Variants in MRPL36 observed in about 807,000 individuals in gnomAD.
The protein encoded by MRPL36 is large ribosomal subunit protein bL36m.
Under a neutral mutation model 2.8 loss-of-function variants are expected in MRPL36, and 1 was observed. The observed-to-expected ratio is 0.36, with a 90% confidence interval of 0.13 to 1.69. The LOEUF is 1.69. MRPL36 is among the 40% of genes most tolerant of loss of function. The pLI, the probability that MRPL36 is intolerant of heterozygous loss-of-function variation, is 0.35. For synonymous variants in MRPL36, 68 were observed against 54.8 expected (o/e 1.24, Z -1.06); for missense variants, 148 against 132.7 (o/e 1.12, Z -0.57).
upstream of MRPL36, chr5:1,801,366 T>C: frequency 1.3e-6 from 2 of 1,584,586 alleles, no homozygotes; most frequent in Non-Finnish European, 1.7e-6. Context: ...GCCGTGCGCA[T>C]GCGTTAGCGC....
At chr5:1,799,134 G>A (rs1219601720) in intron 1 of MRPL36, 187 bp from the exon 2 acceptor site, 1 of 539,838 alleles carries the variant, frequency 1.9e-6, no homozygotes, top group Non-Finnish European at 3.3e-6. Context: ...TGTGCCAGGA[G>A]AATAAGGGGC....
upstream of MRPL36, chr5:1,801,307 T>TAC: frequency 9.0e-7 from 1 of 1,105,364 alleles, no homozygotes; most frequent in Non-Finnish European, 1.2e-6. Context: ...CGACCCGCGC[T>TAC]CCCCGCCCCC....
upstream of MRPL36, among the ~76,000 whole-genome samples, chr5:1,801,019 C>T (rs963761377): frequency 8.5e-5 from 13 of 152,232 alleles, no homozygotes; most frequent in African/African-American, 2.9e-4. Flanking sequence ...ACATCCTCCC[C>T]TGCCTGTCCG....
upstream of MRPL36, chr5:1,801,316 CCA>C (rs1734031218): frequency 1.1e-5 from 16 of 1,495,266 alleles, no homozygotes; most frequent in East Asian, 2.4e-5. Context: ...CTCCCCGCCC[CCA>C]GGGCGAAATA....
intron 1 of MRPL36, 92 bp downstream of exon 1, chr5:1,799,700 C>A (rs1264059285): frequency 6.6e-6 from 1 of 152,358 alleles, no homozygotes; most frequent in East Asian, 1.9e-4. Context: ...GGGAGACACG[C>A]CCGAGGGTCC....
rs891689320 is a variant in MRPL36, at chr5:1,798,389, C to T, written c.*235G>A. The T allele has an allele frequency of 2.9e-5, 13 of 442,376 alleles. No individual in the cohort carries two copies. Among genetic ancestry groups the T allele is most frequent in the African/African-American group, 1.6e-4 (8 of 50,634 alleles). 27.4% of individuals were successfully genotyped at this position (442,376 alleles called of 1,614,324 possible). ...GAGAGAATGAATGAACTAAGCTATT[C>T]GGAAGGTCTATTTTAATAGGAAAAT... On this transcript the variant is annotated 3_prime_UTR_variant, in exon 2 of 2. Coordinates refer to ENST00000505059, the MANE Select transcript of MRPL36 (RefSeq NM_032479.4).
chr5:1,798,869 G>A lies in MRPL36; in HGVS notation c.67C>T (p.Pro23Ser), dbSNP rs753377421. The change falls in exon 2 of 2, where the codon CCT becomes TCT. Residue 23 changes from proline to serine, a missense_variant. Transcript: ENST00000505059. ...AATAGAAATGTGGAGAGGGCTCGAG[G>A]CTTCACCGTGTGACGACTGAGATAG... Reference protein sequence around the residue: ...LLYLSRHTVKPRALSTFLFGS... With the variant: ...LLYLSRHTVKSRALSTFLFGS... The A allele has an allele frequency of 3.1e-6, 5 of 1,612,850 alleles. No individual in the cohort carries two copies. The highest frequency in any genetic ancestry group is 1.3e-5 in the African/African-American group (1 of 74,884).
chr5:1,799,932 G>A (rs55883912), upstream of MRPL36: 110,643 of 150,158 alleles, frequency 0.74, 43,934 homozygotes, highest in Non-Finnish European at 0.88. Flanking sequence ...AGACGCAGCA[G>A]CGAGTGCGCA....
At chr5:1,799,875 C>CGGGG (rs368360524), upstream of MRPL36, 74 of 131,656 alleles carry the variant, frequency 5.6e-4, 2 homozygotes, top group African/African-American at 1.2e-3. Flanking sequence ...AAGATGGCGG[C>CGGGG]GGGGGGGGGG....
chr5:1,799,071 C>T, intron 1 of MRPL36, 124 bp from the exon 2 acceptor site: 2 of 719,526 alleles, frequency 2.8e-6, no homozygotes, highest in Non-Finnish European at 4.6e-6. Flanking sequence ...GAGGGTGTTC[C>T]CATACCAGCT....
Position 1,798,491 on chromosome 5 carries a change from G to A in MRPL36, c.*133C>T. On this transcript the variant is annotated 3_prime_UTR_variant, in exon 2 of 2. Transcript: ENST00000505059. ...TTACTCATTTACACTGAAACGTGAT[G>A]GGTAACTTTTAGGGCGTTTGCTTCC... 2.6e-6 allele frequency: 2 copies of A among 770,356 alleles called. No individual in the cohort carries two copies. Among genetic ancestry groups the A allele is most frequent in the Non-Finnish European group, 4.2e-6 (2 of 476,956 alleles). 47.7% of individuals were successfully genotyped at this position (770,356 alleles called of 1,614,324 possible). A position where few individuals can be genotyped will look rare whatever the true frequency, so the allele number is the denominator to read the frequency against.
At chr5:1,800,585 G>C (rs956934462), upstream of MRPL36, among the ~76,000 whole-genome samples, 27 of 149,078 alleles carry the variant, frequency 1.8e-4, no homozygotes, top group Admixed American at 9.2e-4. Flanking sequence ...GTTTTCATGT[G>C]CATTCTTGTT....
At position 1,798,696 on chromosome 5, in the gene MRPL36, G is replaced by C. The variant is rs371776792; in HGVS notation, c.240C>G (p.Tyr80Ter). ...ACCACCGACCCCGCCTCTTCACCAGGTAACAGTCCTTGCAGCGCTTCTTAA... is the reference window on the plus strand; with the variant it reads ...ACCACCGACCCCGCCTCTTCACCAGCTAACAGTCCTTGCAGCGCTTCTTAA... ...TVLKKRCKDC[Y>*]LVKRRGRWYV... The change falls in exon 2 of 2, where the codon TAC (tyrosine) becomes TAG (stop). Residue 80 changes from tyrosine to a stop codon, truncating the protein, a stop_gained. Transcript: ENST00000505059. LOFTEE classifies it high-confidence loss of function. 6.2e-7 allele frequency: 1 copy of C among 1,613,874 alleles called. No homozygotes were observed. Among genetic ancestry groups the C allele is most frequent in the South Asian group, 1.1e-5 (1 of 91,080 alleles).
chr5:1,798,837 G>A lies in MRPL36; in HGVS notation c.99C>T (p.Ser33=), dbSNP rs552387762. 3.7e-6 allele frequency: 6 copies of A among 1,614,080 alleles called. No homozygotes were observed. Among genetic ancestry groups the A allele is most frequent in the East Asian group, 2.2e-5 (1 of 44,874 alleles). Residue 33 remains serine, a synonymous_variant, in exon 2 of 2, where the codon TCC becomes TCT. Coordinates refer to ENST00000505059, the MANE Select transcript of MRPL36 (RefSeq NM_032479.4). ...CAGCCACGGGGGCTGCACCTCGAATGGATCCAAATAGAAATGTGGAGAGGG... is the reference window on the plus strand; with the variant it reads ...CAGCCACGGGGGCTGCACCTCGAATAGATCCAAATAGAAATGTGGAGAGGG... ...PRALSTFLFG[S]IRGAAPVAVE...
upstream of MRPL36, among the ~76,000 whole-genome samples, chr5:1,800,616 T>C (rs1308361400): frequency 6.6e-6 from 1 of 152,198 alleles, no homozygotes; most frequent in African/African-American, 2.4e-5. Context: ...TTCCTCCTCT[T>C]TATCATCTTC....
At chr5:1,800,908 T>C (rs1734017981), upstream of MRPL36, among the ~76,000 whole-genome samples, 1 of 152,246 alleles carries the variant, frequency 6.6e-6, no homozygotes, top group Admixed American at 6.5e-5. Flanking sequence ...ACTTCCAGTC[T>C]CGTCTGCTAA....
Position 1,798,630 on chromosome 5 carries a change from C to T in MRPL36, c.306G>A (p.Gln102=). The change falls in exon 2 of 2, where the codon CAG becomes CAA. Residue 102 remains glutamine (Q), a synonymous_variant. Coordinates refer to ENST00000505059, the MANE Select transcript of MRPL36 (RefSeq NM_032479.4). ...CKTHPRHKQR[Q]M ...GACTCTGGAGGGAAAGGGTCTACATCTGTCTCTGCTTGTGCCTCGGATGGG... is the reference window on the plus strand; with the variant it reads ...GACTCTGGAGGGAAAGGGTCTACATTTGTCTCTGCTTGTGCCTCGGATGGG... 3 of 1,607,482 alleles carry T rather than the reference C, an allele frequency of 1.9e-6. No homozygotes were observed. Among genetic ancestry groups the T allele is most frequent in the Non-Finnish European group, 1.7e-6 (2 of 1,174,362 alleles).
chr5:1,800,275 A>C, upstream of MRPL36, among the ~76,000 whole-genome samples: 1 of 152,126 alleles, frequency 6.6e-6, no homozygotes, highest in East Asian at 1.9e-4. Flanking sequence ...AGAAAAAGGG[A>C]AAGAACTGTA....
Position 1,798,879 on chromosome 5 carries a change from G to A in MRPL36, c.57C>T (p.His19=), listed in dbSNP as rs1302597575. ...TGGAGAGGGCTCGAGGCTTCACCGT[G>A]TGACGACTGAGATAGAGCAGAGGGT... ...MVNPLLYLSR[H]TVKPRALSTF... Residue 19 remains histidine (H), a synonymous_variant, in exon 2 of 2, where the codon CAC becomes CAT. Transcript: ENST00000505059. The A allele has an allele frequency of 1.2e-6, 2 of 1,612,336 alleles. No individual in the cohort carries two copies. The highest frequency in any genetic ancestry group is 2.7e-5 in the African/African-American group (2 of 74,872).
Sources: gnomAD v4.1 joint callset for allele counts (sites outside exome capture counted in the v4.1 genomes callset) on GRCh38, gnomAD v4.1.1 for gene constraint, MANE v1.5 for transcripts, NCBI Gene and HGNC (gene_info 2026-07-23, HGNC 2026-07-21) for gene names.